Variants in CHD1 observed in about 807,000 individuals in gnomAD.
CHD1 encodes the protein chromodomain helicase DNA binding protein 1, also known as ATP-dependent chromatin remodeler CHD1.
In CHD1, 36 loss-of-function variants were observed where a neutral mutation model predicts 224.2. The ratio of observed to expected loss-of-function variants is 0.16; its 90% CI spans 0.12 to 0.21. The LOEUF is 0.21. Ranked by LOEUF, CHD1 falls within the 10% of genes least tolerant of loss-of-function variation. CHD1 has a pLI of 1.00. For synonymous variants in CHD1, 668 were observed against 658.3 expected, an observed-to-expected ratio of 1.01 and a Z score of -0.23; for missense variants, 1,378 against 1,994.8, an observed-to-expected ratio of 0.69 and a Z score of 5.89.
chr5:98,889,525 A>G (rs1750873618), intron 15 of CHD1, among the ~76,000 whole-genome samples: 1 of 152,216 alleles, frequency 6.6e-6, no homozygotes, highest in Non-Finnish European at 1.5e-5. Context: ...GGTCAGCTGC[A>G]TTATTTATCT....
chr5:98,878,199 A>G (rs2112370315), intron 23 of CHD1, among the ~76,000 whole-genome samples: 1 of 152,356 alleles, frequency 6.6e-6, no homozygotes, highest in East Asian at 1.9e-4. Context: ...CCAGGTGCTC[A>G]TGAGAAGGAA....
Position 98,928,900 on chromosome 5 carries a change from G to T in CHD1, c.-510C>A, listed in dbSNP as rs1580562706. 6.5e-6 allele frequency: 1 copy of T among 154,008 alleles called. No homozygotes were observed. Among genetic ancestry groups the T allele is most frequent in the Non-Finnish European group, 1.4e-5 (1 of 69,044 alleles). The allele number at this position is 154,008 out of a possible 1,614,324, so 9.5% of individuals were successfully genotyped here. A position where few individuals can be genotyped will look rare whatever the true frequency, so the allele number is the denominator to read the frequency against. ...CATGACGCCGAGAAAGCAAGCGAGC[G>T]CAACCGTCTCCGTCGTAGCCGCCGC... On this transcript the variant is annotated 5_prime_UTR_variant, in exon 1 of 36. Transcript: ENST00000614616.
chr5:98,885,781 G>C, intron 17 of CHD1, 132 bp from the exon 18 acceptor site: 3 of 608,658 alleles, frequency 4.9e-6, no homozygotes, highest in Non-Finnish European at 5.8e-6. Flanking sequence ...GTACTTACTA[G>C]ACAGTAAAAT....
rs75582516 is a variant in CHD1 at position 98,862,443 on chromosome 5, G to C, written c.4427+965C>G. Among the ~76,000 whole-genome samples, 264 of 152,240 alleles carry C rather than the reference G, an allele frequency of 1.7e-3. 2 individuals are homozygous for C. Among genetic ancestry groups the C allele is most frequent in the African/African-American group, 6.2e-3 (259 of 41,536 alleles). ...CACAATGAAAAAGTTAAGTCTCCTGGCTATTAGTCTCTCTTCTTCCAAAGG... is the reference window on the plus strand; with the variant it reads ...CACAATGAAAAAGTTAAGTCTCCTGCCTATTAGTCTCTCTTCTTCCAAAGG... On this transcript the variant is annotated intron_variant, in intron 32 of 35. Transcript: ENST00000614616.
At chr5:98,859,244 C>T (rs1748284278) in intron 33 of CHD1, among the ~76,000 whole-genome samples, 1 of 152,006 alleles carries the variant, frequency 6.6e-6, no homozygotes, top group South Asian at 2.1e-4. Flanking sequence ...ATTGACTTAA[C>T]AGAAAGGTTG....
At position 98,882,017 on chromosome 5, in the gene CHD1, G is replaced by A; in HGVS notation, c.2825C>T (p.Thr942Ile). ...TGTATGTAGTACTGTCTTCCCAGTT[G>A]TGTCCATTCTTTGAATTACAAGATG... is the stretch of plus-strand genomic sequence containing the variant. ...LDHLVIQRMD[T>I]TGKTVLHTGS... is the part of the protein sequence containing the mutation. Residue 942 changes from threonine to isoleucine, a missense_variant, in exon 20 of 36, where the codon ACA (threonine) becomes ATA (isoleucine). By Grantham distance (89) the Thr-to-Ile change is moderately conservative. This residue lies in a region of CHD1 where 286 missense variants were observed against 445.1 expected (regional missense o/e 0.64). Coordinates refer to ENST00000614616, the MANE Select transcript of CHD1 (RefSeq NM_001270.4). 6.2e-7 allele frequency: 1 copy of A among 1,613,722 alleles called. No homozygotes were observed. Among genetic ancestry groups the A allele is most frequent in the Non-Finnish European group, 8.5e-7 (1 of 1,179,830 alleles).
intron 28 of CHD1, 32 bp from the exon 29 acceptor site, chr5:98,870,835 T>C (rs1468705478): frequency 7.3e-7 from 1 of 1,367,286 alleles, no homozygotes; most frequent in Admixed American, 1.8e-5. Context: ...TCAGATTGTC[T>C]TAATAAATAA....
Position 98,893,405 on chromosome 5 carries a change from A to G in CHD1, c.1991+11T>C. 1 of 1,563,640 alleles carries G rather than the reference A, an allele frequency of 6.4e-7. No individual in the cohort carries two copies. The highest frequency in any genetic ancestry group is 1.2e-5 in the South Asian group (1 of 83,912). On this transcript the variant is annotated intron_variant, in intron 14 of 35. Coordinates refer to ENST00000614616, the MANE Select transcript of CHD1 (RefSeq NM_001270.4). ...CCACACAATATGATTAAAATTGTAA[A>G]GTTGTCTTACTTTTCTGGCATAATG...
chr5:98,894,642 T>C lies in CHD1; in HGVS notation c.1755A>G (p.Lys585=). ...EWTHHQTKRL[K]FNILLTTYEI... ...CATAAGTTGTTAACAATATATTAAA[T>C]TTTAACCGTTTGGTCTGATGATGCG... The change falls in exon 13 of 36, where the codon AAA becomes AAG. Residue 585 remains lysine (K), a synonymous_variant. Transcript: ENST00000614616. 6.8e-7 allele frequency: 1 copy of C among 1,475,778 alleles called. No homozygotes were observed. The highest frequency in any genetic ancestry group is 9.3e-7 in the Non-Finnish European group (1 of 1,074,366). 91.4% of individuals were successfully genotyped at this position (1,475,778 alleles called of 1,614,324 possible).
In CHD1 at chr5:98,860,316, G is replaced by A. The variant is rs1179387075; in HGVS notation, c.4428-248C>T. 3.1e-5 allele frequency: 13 copies of A among 423,040 alleles called. No individual in the cohort carries two copies. The Admixed American group carries it at 3.8e-4, about 13-fold the overall frequency. The allele number at this position is 423,040 out of a possible 1,614,324, so 26.2% of individuals were successfully genotyped here. ...CGCTTCATTTTATAGTCTTTAGGGT[G>A]AAAAGCAGTACAATCCTAATTTGAA... On this transcript the variant is annotated intron_variant, in intron 32 of 35. Coordinates refer to ENST00000614616, the MANE Select transcript of CHD1 (RefSeq NM_001270.4).
chr5:98,857,510 A>T (rs1476152707), intron 35 of CHD1, among the ~76,000 whole-genome samples: 1 of 152,096 alleles, frequency 6.6e-6, no homozygotes, highest in Admixed American at 6.6e-5. Context: ...AAATACAAAG[A>T]TGTCTTCTAA....
In CHD1 at chr5:98,856,022, T is replaced by A. The variant is rs1015963926; in HGVS notation, c.*358A>T. 5.9e-6 allele frequency: 1 copy of A among 168,252 alleles called. No homozygotes were observed. Among genetic ancestry groups the A allele is most frequent in the East Asian group, 1.5e-4 (1 of 6,744 alleles). The allele number at this position is 168,252 out of a possible 1,614,324, so 10.4% of individuals were successfully genotyped here. On this transcript the variant is annotated 3_prime_UTR_variant, in exon 36 of 36. Coordinates refer to ENST00000614616, the MANE Select transcript of CHD1 (RefSeq NM_001270.4). ...TGATCACAGGTCAGAGTAAAGTTCA[T>A]ATATAAACATAATTTAAATGGAGGT... is the stretch of plus-strand genomic sequence containing the variant.
intron 3 of CHD1, among the ~76,000 whole-genome samples, 164 bp from the exon 4 acceptor site, chr5:98,904,072 A>G (rs1751892469): frequency 6.6e-6 from 1 of 152,196 alleles, no homozygotes; most frequent in Non-Finnish European, 1.5e-5. Flanking sequence ...TAGTTAAATA[A>G]AATGCTGAGC....
At chr5:98,916,494 G>A (rs1462688794) in intron 2 of CHD1, among the ~76,000 whole-genome samples, 4 of 131,210 alleles carry the variant, frequency 3.0e-5, no homozygotes, top group African/African-American at 8.8e-5. Flanking sequence ...GTGGTGAGCC[G>A]AGATTGCAAC....
intron 2 of CHD1, among the ~76,000 whole-genome samples, chr5:98,907,194 T>C (rs1252549447): frequency 1.3e-5 from 2 of 152,244 alleles, no homozygotes; most frequent in African/African-American, 4.8e-5. Context: ...GCTATGCTAC[T>C]CTAGTTGCAC....
chr5:98,878,636 T>A (rs1580402097), intron 23 of CHD1, among the ~76,000 whole-genome samples: 2 of 152,308 alleles, frequency 1.3e-5, no homozygotes, highest in South Asian at 2.1e-4. Context: ...AACAAATTTT[T>A]AAAAATTAAA....
chr5:98,858,948 A>C lies in CHD1; in HGVS notation c.4576+16T>G. The C allele has an allele frequency of 6.7e-7, 1 of 1,495,780 alleles. No homozygotes were observed. The highest frequency in any genetic ancestry group is 8.9e-7 in the Non-Finnish European group (1 of 1,128,436). The allele number at this position is 1,495,780 out of a possible 1,614,324, so 92.7% of individuals were successfully genotyped here. ...TTTTTTTTAATTTATTTTCCCAATC[A>C]GTAAGGCTTACATACCTGGATTTCT... is the stretch of plus-strand genomic sequence containing the variant. On this transcript the variant is annotated intron_variant, in intron 34 of 35. Transcript: ENST00000614616.
chr5:98,905,045 G>C lies in CHD1; in HGVS notation c.107C>G (p.Ser36Cys). 6.3e-7 allele frequency: 1 copy of C among 1,587,564 alleles called. No homozygotes were observed. ...ACTGCTTCCATCACTACTGCTTCCA[G>C]AACTCGAACCAGATCCAGAGCCTGA... ...SASGSGSGSS[S>C]GSSSDGSSSQ... is the part of the protein sequence containing the mutation. The change falls in exon 3 of 36, where the codon TCT becomes TGT. Residue 36 changes from serine (S) to cysteine (C), a missense_variant. Physicochemically the swap from Ser to Cys is moderately radical, Grantham distance 112. Coordinates refer to ENST00000614616, the MANE Select transcript of CHD1 (RefSeq NM_001270.4).
At chr5:98,901,869 T>C (rs1445852961) in intron 5 of CHD1, among the ~76,000 whole-genome samples, 3 of 151,936 alleles carry the variant, frequency 2.0e-5, no homozygotes, top group Admixed American at 6.6e-5. Flanking sequence ...TAGAGAAAAA[T>C]AATGGATGTT....
Sources: gnomAD v4.1 joint callset for allele counts (sites outside exome capture counted in the v4.1 genomes callset) on GRCh38, gnomAD v4.1.1 for gene constraint, gnomAD v4.1.1 regional missense constraint, MANE v1.5 for transcripts, NCBI Gene and HGNC (gene_info 2026-07-23, HGNC 2026-07-21) for gene names.